Variants in PARP2 observed in about 807,000 individuals in gnomAD.
PARP2 encodes poly(ADP-ribose) polymerase 2.
Under a neutral mutation model 77.8 loss-of-function variants are expected in PARP2, and 57 were observed. The observed-to-expected ratio is 0.73, with a 90% CI of 0.59 to 0.91. PARP2 has a LOEUF of 0.91. PARP2 is among the 40% of genes least tolerant of loss of function. The pLI, the probability that PARP2 is intolerant of heterozygous loss-of-function variation, is 0.00. For synonymous variants in PARP2, 226 were observed against 242.6 expected (o/e 0.93, Z 0.64); for missense variants, 651 against 689.0 (o/e 0.94, Z 0.62).
rs200507197 is a variant in PARP2, at chr14:20,347,346, A to ATGTG, written c.324+441_324+444dup. Among the ~76,000 whole-genome samples the ATGTG allele has an allele frequency of 4.8e-3, 296 of 62,056 alleles. 6 individuals carry two copies. The highest frequency in any genetic ancestry group is 0.033 in the Middle Eastern group (3 of 92). 40.7% of individuals were successfully genotyped at this position (62,056 alleles called of 152,430 possible). ...CCACGCCTTGCCTAAAGTCCTTCAT[A>ATGTG]TGTGTGTGTGTATATATATATATAT... is the stretch of plus-strand genomic sequence containing the variant. On this transcript the variant is annotated intron_variant, in intron 4 of 15. Coordinates refer to ENST00000429687, the MANE Select transcript of PARP2 (RefSeq NM_001042618.2).
intron 7 of PARP2, among the ~76,000 whole-genome samples, chr14:20,353,396 A>G (rs1310780155): frequency 6.6e-6 from 1 of 151,138 alleles, no homozygotes; most frequent in Non-Finnish European, 1.5e-5. Context: ...GCCCGCCACC[A>G]CGCCCGGCTA....
chr14:20,345,124 C>G lies in PARP2; in HGVS notation c.202+37C>G, dbSNP rs1181081153. On this transcript the variant is annotated intron_variant, in intron 2 of 15. Coordinates refer to ENST00000429687, the MANE Select transcript of PARP2 (RefSeq NM_001042618.2). Reference sequence around the variant, plus strand: ...AGGTCATGGGCCAGCAAAAGGGTCTCTGGTAGGAGTGGATCTGGGGATGAT... The same window carrying G: ...AGGTCATGGGCCAGCAAAAGGGTCTGTGGTAGGAGTGGATCTGGGGATGAT... 3 of 1,610,190 alleles carry G rather than the reference C, an allele frequency of 1.9e-6. No individual in the cohort carries two copies. The highest frequency in any genetic ancestry group is 4.5e-5 in the East Asian group (2 of 44,848).
At chr14:20,352,205 C>T (rs753023391) in intron 6 of PARP2, 40 bp from the exon 7 acceptor site, 2 of 1,082,748 alleles carry the variant, frequency 1.8e-6, no homozygotes, top group Non-Finnish European at 2.9e-6. Context: ...TCATAGTAGA[C>T]CTTTATTTGT....
chr14:20,347,356 G>GTGTC (rs1168423656), intron 4 of PARP2, among the ~76,000 whole-genome samples: 1 of 29,562 alleles, frequency 3.4e-5, no homozygotes, highest in Non-Finnish European at 5.4e-5. Context: ...ATGTGTGTGT[G>GTGTC]TATATATATA....
At chr14:20,355,062 A>G (rs1884096055) in intron 9 of PARP2, 115 bp downstream of exon 9, 1 of 1,001,028 alleles carries the variant, frequency 1.0e-6, no homozygotes, top group African/African-American at 1.6e-5. Flanking sequence ...GATCGTCTTG[A>G]ATAGGTACAG....
intron 3 of PARP2, among the ~76,000 whole-genome samples, chr14:20,346,215 T>G (rs889358812): frequency 6.6e-6 from 1 of 152,148 alleles, no homozygotes; most frequent in African/African-American, 2.4e-5. Flanking sequence ...GAAAACTGTT[T>G]TCTTGTTCTA....
intron 1 of PARP2, 139 bp downstream of exon 1, chr14:20,343,826 T>C: frequency 1.1e-6 from 1 of 916,252 alleles, no homozygotes; most frequent in East Asian, 2.6e-5. Context: ...GTGCTAAATT[T>C]TGTAAATTTC....
Position 20,345,391 on chromosome 14 carries a change from C to A in PARP2, c.203-3C>A. 6.2e-7 allele frequency: 1 copy of A among 1,611,914 alleles called. No individual in the cohort carries two copies. The highest frequency in any genetic ancestry group is 8.5e-7 in the Non-Finnish European group (1 of 1,178,104). ...AAAGTAGTACCTATCTGTCTTTCCT[C>A]AGAATCTGTGAAGGCCTTGCTGTTA... is the stretch of plus-strand genomic sequence containing the variant. On this transcript the variant is annotated splice_polypyrimidine_tract_variant and splice_region_variant and intron_variant, in intron 2 of 15. Transcript: ENST00000429687.
At position 20,351,073 on chromosome 14, in the gene PARP2, G is replaced by C. The variant is rs149905379; in HGVS notation, c.448G>C (p.Val150Leu). ...TGGGAAAATGGGACAGCACAGCCTG[G>C]TGGCTTGTTCAGGCAATCTCAACAA... is the stretch of plus-strand genomic sequence containing the variant. ...RVGKMGQHSL[V>L]ACSGNLNKAK... Residue 150 changes from valine to leucine, a missense_variant, in exon 6 of 16, where the codon GTG (valine) becomes CTG (leucine). Coordinates refer to ENST00000429687, the MANE Select transcript of PARP2 (RefSeq NM_001042618.2). 6.2e-7 allele frequency: 1 copy of C among 1,614,072 alleles called. No individual in the cohort carries two copies. The highest frequency in any genetic ancestry group is 1.1e-5 in the South Asian group (1 of 91,084).
At chr14:20,347,406 T>A (rs1284694409) in intron 4 of PARP2, among the ~76,000 whole-genome samples, 29 of 23,376 alleles carry the variant, frequency 1.2e-3, no homozygotes, top group South Asian at 2.7e-3. Flanking sequence ...ATATTTTTTT[T>A]TTTTTTTTTT....
At chr14:20,345,700 C>A (rs944834056) in intron 3 of PARP2, among the ~76,000 whole-genome samples, 4 of 151,984 alleles carry the variant, frequency 2.6e-5, no homozygotes, top group African/African-American at 9.7e-5. Flanking sequence ...TAAAGAAATA[C>A]CTGAGACTAG....
intron 6 of PARP2, among the ~76,000 whole-genome samples, chr14:20,351,871 A>G (rs1031844430): frequency 5.0e-5 from 7 of 140,550 alleles, no homozygotes; most frequent in East Asian, 2.0e-4. Flanking sequence ...AAGGAAAGAA[A>G]AAAAGAGAAT....
At chr14:20,354,975 GTTC>G in intron 9 of PARP2, 28 bp downstream of exon 9, 2 of 1,596,504 alleles carry the variant, frequency 1.3e-6, no homozygotes, top group Non-Finnish European at 1.7e-6. Context: ...ACTTCACTTT[GTTC>G]TTCTACCTAT....
intron 8 of PARP2, 88 bp from the exon 9 acceptor site, chr14:20,354,721 G>A: frequency 1.5e-6 from 2 of 1,321,758 alleles, no homozygotes; most frequent in Non-Finnish European, 2.1e-6. Context: ...AAAGTTGAAA[G>A]ATGAAAGTCT....
At chr14:20,347,575 A>C (rs1358929199) in intron 4 of PARP2, among the ~76,000 whole-genome samples, 1 of 148,192 alleles carries the variant, frequency 6.7e-6, no homozygotes, top group African/African-American at 2.5e-5. Context: ...TGTCTGGCTA[A>C]TTTTTTGGTA....
At chr14:20,350,921 C>T in intron 5 of PARP2, 126 bp from the exon 6 acceptor site, 1 of 705,972 alleles carries the variant, frequency 1.4e-6, no homozygotes, top group Non-Finnish European at 2.4e-6. Flanking sequence ...ATGATTAGTT[C>T]CCTAAATCCT....
intron 13 of PARP2, 176 bp from the exon 14 acceptor site, chr14:20,356,875 C>G (rs1322872889): frequency 1.5e-6 from 1 of 674,818 alleles, no homozygotes; most frequent in African/African-American, 1.8e-5. Context: ...TCACCTTTCC[C>G]TCAGAAGGCG....
At chr14:20,347,486 G>T (rs1428676235) in intron 4 of PARP2, among the ~76,000 whole-genome samples, 1 of 121,906 alleles carries the variant, frequency 8.2e-6, no homozygotes, top group Non-Finnish European at 1.6e-5. Flanking sequence ...TGCAATCTCG[G>T]CTCACTGCAA....
chr14:20,356,344 C>T lies in PARP2; in HGVS notation c.1139C>T (p.Thr380Ile), dbSNP rs1230422597. ...TACCTACAATCTACCCATGCTCCCA[C>T]ACACAGCGACTATACCATGACCTTG... ...SQYLQSTHAP[T>I]HSDYTMTLLD... Residue 380 changes from threonine (T) to isoleucine (I), a missense_variant, in exon 12 of 16, where the codon ACA (threonine) becomes ATA (isoleucine). Transcript: ENST00000429687. 1.2e-6 allele frequency: 2 copies of T among 1,614,042 alleles called. No homozygotes were observed. The highest frequency in any genetic ancestry group is 1.7e-6 in the Non-Finnish European group (2 of 1,179,900).
Sources: allele counts gnomAD v4.1 joint callset (sites outside exome capture counted in the v4.1 genomes callset), GRCh38; gene constraint gnomAD v4.1.1; transcripts MANE v1.5; gene names NCBI Gene and HGNC (gene_info 2026-07-23, HGNC 2026-07-21).